Variants in MYO18B observed in about 807,000 individuals in gnomAD.
MYO18B encodes the protein unconventional myosin-XVIIIb.
In MYO18B, 204 loss-of-function variants were observed where a neutral mutation model predicts 273.0. That is an observed-to-expected ratio of 0.75 (90% CI 0.67 to 0.84). The LOEUF (loss-of-function observed/expected upper bound fraction) is 0.84, where lower values mean the gene tolerates loss of function less well. Among genes scored for constraint, MYO18B ranks in the 40% least tolerant of loss-of-function variants. The probability of loss-of-function intolerance (pLI) is 0.00; values close to 1 mark genes in which losing one functional copy is unlikely to be tolerated. For missense variants in MYO18B, 3,212 were observed against 3,287.6 expected (o/e 0.98, Z 0.56); for synonymous variants, 1,330 against 1,305.7 (o/e 1.02, Z -0.40).
intron 22 of MYO18B, among the ~76,000 whole-genome samples, chr22:25,869,223 C>G (rs968704510): frequency 2.0e-5 from 3 of 151,944 alleles, no homozygotes; most frequent in Non-Finnish European, 4.4e-5. Flanking sequence ...CCAAGGCGGG[C>G]AGATCACCTG....
Position 25,801,935 on chromosome 22 carries a change from C to T in MYO18B, c.2521+3838C>T, listed in dbSNP as rs796529053. Among the ~76,000 whole-genome samples, 27 of 152,306 alleles carry T rather than the reference C, an allele frequency of 1.8e-4. 1 individual carries two copies. Among genetic ancestry groups the T allele is most frequent in the African/African-American group, 6.5e-4 (27 of 41,576 alleles). ...CTGAGACCAGCCTCTGGGACCACACCTCCTACCTCCCACCTCCCAAGTACC... is the reference window on the plus strand; with the variant it reads ...CTGAGACCAGCCTCTGGGACCACACTTCCTACCTCCCACCTCCCAAGTACC... On this transcript the variant is annotated intron_variant, in intron 12 of 43. Coordinates refer to ENST00000335473, the MANE Select transcript of MYO18B (RefSeq NM_032608.7).
the MYO18B span, among the ~76,000 whole-genome samples, chr22:26,057,386 C>T: frequency 6.6e-6 from 1 of 152,104 alleles, no homozygotes; most frequent in Non-Finnish European, 1.5e-5. Flanking sequence ...GAGGGATTTA[C>T]AATGCTTATC....
At chr22:26,037,497 C>T in the MYO18B span, among the ~76,000 whole-genome samples, 4 of 151,492 alleles carry the variant, frequency 2.6e-5, no homozygotes, top group African/African-American at 4.8e-5. Context: ...ACTCTGACCC[C>T]GAGTCCCAGG....
the MYO18B span, among the ~76,000 whole-genome samples, chr22:26,044,302 G>C: frequency 6.6e-6 from 1 of 152,174 alleles, no homozygotes. Flanking sequence ...TAAAGATGTA[G>C]TTTGATGAGC....
At chr22:25,980,371 A>G (rs2093136675) in intron 39 of MYO18B, among the ~76,000 whole-genome samples, 1 of 152,222 alleles carries the variant, frequency 6.6e-6, no homozygotes, top group Non-Finnish European at 1.5e-5. Context: ...TTGAAAAATA[A>G]GAAGAGAAAG....
rs761910322 is a variant in MYO18B at position 25,769,373 on chromosome 22, A to G, written c.1457A>G (p.Asp486Gly). The G allele has an allele frequency of 5.3e-5, 84 of 1,574,096 alleles. No homozygotes were observed. The highest frequency in any genetic ancestry group is 2.6e-4 in the Admixed American group (14 of 53,468). The change falls in exon 4 of 44, where the codon GAC becomes GGC. Residue 486 changes from aspartate (D) to glycine (G), a missense_variant. Physicochemically the swap from Asp to Gly is moderately conservative, Grantham distance 94. Coordinates refer to ENST00000335473, the MANE Select transcript of MYO18B (RefSeq NM_032608.7). Reference protein sequence around the residue: ...ERPRIRKENQDGPAPQEEGKG... With the variant: ...ERPRIRKENQGGPAPQEEGKG... ...CCTCGGATACGGAAGGAGAACCAAG[A>G]CGGGCCAGCCCCGCAGGAGGAGGGC...
chr22:26,001,976 C>T (rs903992155), intron 40 of MYO18B, among the ~76,000 whole-genome samples: 2 of 152,162 alleles, frequency 1.3e-5, no homozygotes, highest in Non-Finnish European at 2.9e-5. Flanking sequence ...TGAGGAAGTA[C>T]TCAAAATGTA....
chr22:25,771,141 C>A (rs2086705401), intron 6 of MYO18B, among the ~76,000 whole-genome samples, 157 bp downstream of exon 6: 1 of 152,170 alleles, frequency 6.6e-6, no homozygotes, highest in South Asian at 2.1e-4. Context: ...AGTGAAGAAC[C>A]CCACTGAACT....
Position 25,777,686 on chromosome 22 carries a change from C to G in MYO18B, c.1973C>G (p.Ala658Gly). 1 of 1,613,020 alleles carries G rather than the reference C, an allele frequency of 6.2e-7. No individual in the cohort carries two copies. The highest frequency in any genetic ancestry group is 8.5e-7 in the Non-Finnish European group (1 of 1,179,430). The change falls in exon 8 of 44, where the codon GCC (alanine) becomes GGC (glycine). Residue 658 changes from alanine to glycine, a missense_variant. Physicochemically the swap from Ala to Gly is moderately conservative, Grantham distance 60. Coordinates refer to ENST00000335473, the MANE Select transcript of MYO18B (RefSeq NM_032608.7). ...CAGCGGAGAGACCAGAGCATTGTGG[C>G]CCTGGGCTGGAGTGGCGCTGGGAAG... ...LNQRRDQSIV[A>G]LGWSGAGKTT...
chr22:25,807,558 T>G (rs2145810537), intron 12 of MYO18B, among the ~76,000 whole-genome samples: 1 of 152,266 alleles, frequency 6.6e-6, no homozygotes, highest in East Asian at 1.9e-4. Flanking sequence ...AATAGCCCAT[T>G]TCCCAGGCTT....
intron 16 of MYO18B, among the ~76,000 whole-genome samples, chr22:25,834,379 G>T (rs759404552): frequency 2.1e-4 from 32 of 152,066 alleles, no homozygotes; most frequent in Non-Finnish European, 4.3e-4. Context: ...AATAAAGAAG[G>T]CCAAGGTGAA....
intron 42 of MYO18B, among the ~76,000 whole-genome samples, chr22:26,017,319 A>G (rs964932728): frequency 7.8e-4 from 112 of 143,712 alleles, no homozygotes; most frequent in African/African-American, 2.6e-3. Context: ...CTCTACATCT[A>G]TGTTTAAACA....
chr22:25,978,046 G>A (rs1019421816), intron 39 of MYO18B, among the ~76,000 whole-genome samples: 23 of 152,190 alleles, frequency 1.5e-4, no homozygotes, highest in African/African-American at 5.6e-4. Flanking sequence ...TATTTATGTG[G>A]TGACTTCTAA....
At chr22:26,017,613 A>C (rs935236868) in intron 42 of MYO18B, among the ~76,000 whole-genome samples, 5 of 152,180 alleles carry the variant, frequency 3.3e-5, no homozygotes, top group African/African-American at 1.2e-4. Flanking sequence ...GTATTTTTAT[A>C]TTATCCCCTT....
chr22:25,860,739 C>T (rs1221455045), intron 21 of MYO18B, among the ~76,000 whole-genome samples: 8 of 151,884 alleles, frequency 5.3e-5, no homozygotes, highest in Admixed American at 5.2e-4. Flanking sequence ...TTTATTGAGA[C>T]TTATTTTGTG....
chr22:26,062,816 T>G, the MYO18B span, among the ~76,000 whole-genome samples: 1 of 152,180 alleles, frequency 6.6e-6, no homozygotes, highest in East Asian at 1.9e-4. Flanking sequence ...GTGCTTGGTA[T>G]TCTGTCCCAA....
chr22:25,945,719 C>T (rs1411535384), intron 34 of MYO18B, among the ~76,000 whole-genome samples: 3 of 77,338 alleles, frequency 3.9e-5, no homozygotes, highest in Admixed American at 1.1e-4. Flanking sequence ...CTCGCCTCCC[C>T]TCCCCTCCCC....
chr22:25,906,997 C>T (rs1179225678), intron 31 of MYO18B, among the ~76,000 whole-genome samples: 13 of 152,290 alleles, frequency 8.5e-5, no homozygotes, highest in African/African-American at 1.4e-4. Flanking sequence ...CACCCATCTA[C>T]GCTATTGAGT....
chr22:26,039,871 C>G, the MYO18B span, among the ~76,000 whole-genome samples: 1 of 152,106 alleles, frequency 6.6e-6, no homozygotes, highest in Non-Finnish European at 1.5e-5. Flanking sequence ...ATTGCCCAGG[C>G]TGGAGTACAG....
Sources: allele counts gnomAD v4.1 joint callset (sites outside exome capture counted in the v4.1 genomes callset), GRCh38; gene constraint gnomAD v4.1.1; transcripts MANE v1.5; gene names NCBI Gene and HGNC (gene_info 2026-07-23, HGNC 2026-07-21).